Variants in AK9 observed in about 807,000 individuals in gnomAD.
The protein encoded by AK9 is adenylate kinase 9.
Under a neutral mutation model 239.6 loss-of-function variants are expected in AK9, and 191 were observed. That is an observed-to-expected ratio of 0.80 (90% CI 0.71 to 0.90). The LOEUF (loss-of-function observed/expected upper bound fraction) is 0.90. Among genes scored for constraint, AK9 ranks in the 40% least tolerant of loss-of-function variants. The pLI is 0.00. For missense variants in AK9, 1,995 were observed against 2,214.7 expected, an observed-to-expected ratio of 0.90 and a Z score of 1.99; for synonymous variants, 689 against 721.0, an observed-to-expected ratio of 0.96 and a Z score of 0.71.
In AK9 at chr6:109,641,781, T is replaced by C. The variant is rs1797485323; in HGVS notation, c.835-165A>G. Among the ~76,000 whole-genome samples the C allele has an allele frequency of 2.0e-5, 3 of 152,220 alleles. No homozygotes were observed. In the South Asian group the frequency reaches 6.2e-4, roughly 32 times the overall value. ...CTGTTTGCTGACAATCCTTGGTATG[T>C]CTTGGCTTGCATCACTCCAATCTCT... On this transcript the variant is annotated intron_variant, in intron 9 of 40. Coordinates refer to ENST00000424296, the MANE Select transcript of AK9 (RefSeq NM_001145128.3).
intron 38 of AK9, 52 bp downstream of exon 38, chr6:109,497,413 T>C (rs952171011): frequency 2.5e-5 from 28 of 1,139,956 alleles, no homozygotes; most frequent in Non-Finnish European, 3.5e-5. Flanking sequence ...GTTCCCAGCA[T>C]GTTGCATGCA....
rs1778166106 is a variant in AK9, at chr6:109,506,812, A to G, written c.4482-12T>C. On this transcript the variant is annotated splice_polypyrimidine_tract_variant and intron_variant, in intron 33 of 40. Coordinates refer to ENST00000424296, the MANE Select transcript of AK9 (RefSeq NM_001145128.3). ...CATCGATGACAACACTAACAAGGAAAAACATGAAAATAAAAATTCCACATT... is the reference window on the plus strand; with the variant it reads ...CATCGATGACAACACTAACAAGGAAGAACATGAAAATAAAAATTCCACATT... 1 of 1,470,864 alleles carries G rather than the reference A, an allele frequency of 6.8e-7. No individual in the cohort carries two copies. Among genetic ancestry groups the G allele is most frequent in the Admixed American group, 2.8e-5 (1 of 35,692 alleles). 91.1% of individuals were successfully genotyped at this position (1,470,864 alleles called of 1,614,324 possible). A position where few individuals can be genotyped will look rare whatever the true frequency, so the allele number is the denominator to read the frequency against.
chr6:109,586,216 C>T (rs574383056), intron 17 of AK9, 144 bp from the exon 18 acceptor site: 2 of 792,636 alleles, frequency 2.5e-6, no homozygotes, highest in East Asian at 5.8e-5. Context: ...ATTTTTAAAG[C>T]TAAACTTAAT....
At chr6:109,500,619 G>GA (rs1017422560) in intron 35 of AK9, among the ~76,000 whole-genome samples, 1 of 152,142 alleles carries the variant, frequency 6.6e-6, no homozygotes, top group Non-Finnish European at 1.5e-5. Flanking sequence ...TGTTAGGATA[G>GA]AAATGATCTC....
In AK9 at chr6:109,626,761, A is replaced by T. The variant is rs530113197; in HGVS notation, c.1254+6162T>A. 8.0e-4 allele frequency among the ~76,000 whole-genome samples: 122 copies of T among 152,332 alleles called. 1 individual carries two copies. In the South Asian group the frequency reaches 0.025, roughly 31 times the overall value. The stretch of plus-strand genomic sequence containing the variant: ...AAAAGGTTCTGTGCAAATATGGCAT[A>T]AACATTTTTTAAATGCTACAGCTGT... On this transcript the variant is annotated intron_variant, in intron 12 of 40. Coordinates refer to ENST00000424296, the MANE Select transcript of AK9 (RefSeq NM_001145128.3).
Position 109,595,612 on chromosome 6 carries a change from C to T in AK9, c.1843-9540G>A, listed in dbSNP as rs546055773. ...ACTTGGATCCAACCCAAATGCCCAT[C>T]GATGATAGACTGGATAAAGAAAATG... On this transcript the variant is annotated intron_variant, in intron 17 of 40. Transcript: ENST00000424296. Among the ~76,000 whole-genome samples the T allele has an allele frequency of 1.4e-4, 22 of 152,192 alleles. 1 individual carries two copies. The South Asian group carries it at 4.2e-3, about 29-fold the overall frequency.
chr6:109,592,446 C>CTTT (rs55998817), intron 17 of AK9, among the ~76,000 whole-genome samples: 41,423 of 126,428 alleles, frequency 0.33, 7,286 homozygotes, highest in South Asian at 0.41. Context: ...AATGGGATTT[C>CTTT]TTTTTTTTTT....
chr6:109,680,520 G>C (rs1008484493), intron 1 of AK9, among the ~76,000 whole-genome samples: 2 of 152,192 alleles, frequency 1.3e-5, no homozygotes, highest in African/African-American at 4.8e-5. Flanking sequence ...AATCAAGTTG[G>C]AAAACACTCT....
chr6:109,685,668 G>T (rs1773404308), intron 1 of AK9, among the ~76,000 whole-genome samples: 1 of 152,042 alleles, frequency 6.6e-6, no homozygotes, highest in Non-Finnish European at 1.5e-5. Context: ...CATGGCATAT[G>T]TATACCTATG....
At chr6:109,621,893 T>TAAAAAAAAAAAAAAAAAA (rs59405869) in intron 12 of AK9, among the ~76,000 whole-genome samples, 2 of 55,532 alleles carry the variant, frequency 3.6e-5, no homozygotes, top group African/African-American at 9.3e-5. Flanking sequence ...AAAGTATAAT[T>TAAAAAAAAAAAAAAAAAA]AAAAAAAAAA....
At chr6:109,649,573 T>G (rs1173915090) in intron 8 of AK9, among the ~76,000 whole-genome samples, 5 of 151,830 alleles carry the variant, frequency 3.3e-5, no homozygotes, top group African/African-American at 4.8e-5. Flanking sequence ...CACTGCTCAA[T>G]GAAATAAAAG....
intron 27 of AK9, among the ~76,000 whole-genome samples, chr6:109,534,951 C>T (rs1288923017): frequency 6.6e-6 from 1 of 152,176 alleles, no homozygotes; most frequent in Admixed American, 6.5e-5. Context: ...TTTTTAATGG[C>T]TGCATAGTAT....
chr6:109,551,883 A>C (rs1189757386), intron 24 of AK9, among the ~76,000 whole-genome samples: 1 of 151,470 alleles, frequency 6.6e-6, no homozygotes, highest in African/African-American at 2.4e-5. Flanking sequence ...CCTTCCTCTT[A>C]ACCCCAACAG....
rs1175860839 is a variant in AK9 at position 109,533,147 on chromosome 6, G to A, written c.3570+104C>T. 8.9e-6 allele frequency: 7 copies of A among 783,428 alleles called. No homozygotes were observed. The East Asian group carries it at 1.2e-4, about 13-fold the overall frequency. 48.5% of individuals were successfully genotyped at this position (783,428 alleles called of 1,614,324 possible). The stretch of plus-strand genomic sequence containing the variant: ...TGAAAAATATTTCATGCTTACTGTG[G>A]TATTAAAATTAGAATACTATATTTT... On this transcript the variant is annotated intron_variant, in intron 28 of 40. Coordinates refer to ENST00000424296, the MANE Select transcript of AK9 (RefSeq NM_001145128.3).
At chr6:109,660,382 G>T (rs1005425751) in intron 6 of AK9, among the ~76,000 whole-genome samples, 1 of 152,134 alleles carries the variant, frequency 6.6e-6, no homozygotes, top group African/African-American at 2.4e-5. Flanking sequence ...TTGGAGTGAG[G>T]CTTAGATTCT....
At chr6:109,515,333 C>A (rs1429818851) in intron 31 of AK9, among the ~76,000 whole-genome samples, 1 of 152,056 alleles carries the variant, frequency 6.6e-6, no homozygotes, top group Non-Finnish European at 1.5e-5. Flanking sequence ...AAAAGGCAAC[C>A]TAAGGTGTGG....
At chr6:109,687,988 G>A (rs1429934049) in intron 1 of AK9, among the ~76,000 whole-genome samples, 3 of 152,190 alleles carry the variant, frequency 2.0e-5, no homozygotes, top group Admixed American at 6.5e-5. Context: ...TCACCTCAAT[G>A]CTTGCATAAT....
At chr6:109,615,626 T>A (rs968205315) in intron 13 of AK9, among the ~76,000 whole-genome samples, 3 of 152,204 alleles carry the variant, frequency 2.0e-5, no homozygotes, top group African/African-American at 7.2e-5. Context: ...TGTTGTTTTT[T>A]GTAATCTCTT....
At chr6:109,570,355 C>G (rs1368458139) in intron 21 of AK9, among the ~76,000 whole-genome samples, 1 of 151,924 alleles carries the variant, frequency 6.6e-6, no homozygotes, top group Non-Finnish European at 1.5e-5. Flanking sequence ...GTGCAGCACA[C>G]CAACATGGCA....
Sources: allele counts gnomAD v4.1 joint callset (sites outside exome capture counted in the v4.1 genomes callset), GRCh38; gene constraint gnomAD v4.1.1; transcripts MANE v1.5; gene names NCBI Gene and HGNC (gene_info 2026-07-23, HGNC 2026-07-21).